KMT2E: variants seen among roughly 807,000 people sequenced by gnomAD.
KMT2E encodes lysine methyltransferase 2E (inactive).
Under a neutral mutation model 184.6 loss-of-function variants are expected in KMT2E, and 30 were observed. The ratio of observed to expected loss-of-function variants is 0.16; its 90% confidence interval spans 0.12 to 0.22. KMT2E has a LOEUF of 0.22. KMT2E is among the 10% of genes least tolerant of loss of function. The pLI is 1.00. For synonymous variants in KMT2E, 815 were observed against 776.5 expected (o/e 1.05, Z -0.82); for missense variants, 2,023 against 2,237.4 (o/e 0.90, Z 1.93).
At position 105,113,139 on chromosome 7, in the gene KMT2E, C is replaced by A; in HGVS notation, c.5383C>A (p.Leu1795Ile). The A allele has an allele frequency of 1.9e-6, 3 of 1,614,246 alleles. No homozygotes were observed. The highest frequency in any genetic ancestry group is 2.5e-6 in the Non-Finnish European group (3 of 1,180,048). ...TCCATTACCTGTCACAGGTCCTCAT[C>A]TCCAGCCCCAAGGACCAAACAGTAT... ...HCPLPVTGPHLQPQGPNSIPT... is the reference protein window; with the variant it reads ...HCPLPVTGPHIQPQGPNSIPT... Residue 1795 changes from leucine to isoleucine, a missense_variant, in exon 27 of 27, where the codon CTC becomes ATC. Leu to Ile is a conservative substitution (Grantham distance 5). Coordinates refer to ENST00000311117, the MANE Select transcript of KMT2E (RefSeq NM_182931.3).
chr7:105,064,771 A>G (rs868219952), intron 5 of KMT2E, among the ~76,000 whole-genome samples: 2 of 93,214 alleles, frequency 2.1e-5, no homozygotes, highest in Non-Finnish European at 3.9e-5. Flanking sequence ...AAATTAAAAA[A>G]CTAAAAATAC....
At chr7:105,019,981 G>A (rs1306202570) in intron 1 of KMT2E, among the ~76,000 whole-genome samples, 1 of 151,718 alleles carries the variant, frequency 6.6e-6, no homozygotes, top group Admixed American at 6.6e-5. Flanking sequence ...GGTGGCAGGT[G>A]CCTGCAATCC....
chr7:105,057,094 A>G (rs1267955931), intron 3 of KMT2E, among the ~76,000 whole-genome samples: 2 of 152,236 alleles, frequency 1.3e-5, no homozygotes, highest in Admixed American at 1.3e-4. Flanking sequence ...GAAGCAGTCA[A>G]GAAAGGACTC....
chr7:105,078,650 G>C (rs367950951), intron 11 of KMT2E, among the ~76,000 whole-genome samples, 196 bp from the exon 12 acceptor site: 109 of 130,674 alleles, frequency 8.3e-4, no homozygotes, highest in African/African-American at 2.9e-3. Flanking sequence ...ATGCTACCAT[G>C]CCTGGCCTTT....
chr7:105,020,304 C>T (rs975627655), intron 1 of KMT2E, among the ~76,000 whole-genome samples: 5 of 151,952 alleles, frequency 3.3e-5, no homozygotes, highest in Non-Finnish European at 4.4e-5. Context: ...CTTTAAAGTT[C>T]ACTTGGCCTG....
At chr7:105,033,586 C>T (rs1352854463) in intron 1 of KMT2E, among the ~76,000 whole-genome samples, 1 of 152,138 alleles carries the variant, frequency 6.6e-6, no homozygotes, top group Admixed American at 6.5e-5. Context: ...GCAAGCTCCA[C>T]CTCCTGGGTT....
rs79521484 is a variant in KMT2E, at chr7:105,101,130, A to C, written c.1723-295A>C. Among the ~76,000 whole-genome samples, 81 of 152,262 alleles carry C rather than the reference A, an allele frequency of 5.3e-4. 1 individual carries two copies. Among genetic ancestry groups the C allele is most frequent in the African/African-American group, 1.9e-3 (79 of 41,558 alleles). The stretch of plus-strand genomic sequence containing the variant: ...AAGAGAAAAGATTTTCGGTTTGGTA[A>C]AACAAGGTAATTTTTGAGGCTTTTT... On this transcript the variant is annotated intron_variant, in intron 15 of 26. Transcript: ENST00000311117.
intron 3 of KMT2E, 71 bp from the exon 4 acceptor site, chr7:105,062,093 C>T: frequency 1.0e-6 from 1 of 974,980 alleles, no homozygotes. Flanking sequence ...AGTACTTTAT[C>T]ATTTTAATTA....
intron 23 of KMT2E, among the ~76,000 whole-genome samples, chr7:105,109,931 C>T (rs1799121692): frequency 6.6e-6 from 1 of 150,972 alleles, no homozygotes; most frequent in Admixed American, 6.6e-5. Context: ...GCAAGCTCCA[C>T]TTCCCAAGTT....
chr7:105,071,317 A>G (rs941304049), intron 6 of KMT2E, among the ~76,000 whole-genome samples: 2 of 151,506 alleles, frequency 1.3e-5, no homozygotes, highest in East Asian at 3.9e-4. Context: ...ATTTTGTTAG[A>G]TTGTCAAATT....
At chr7:105,027,832 G>T (rs983238009) in intron 1 of KMT2E, among the ~76,000 whole-genome samples, 152 of 152,126 alleles carry the variant, frequency 1.0e-3, no homozygotes, top group African/African-American at 3.6e-3. Flanking sequence ...TTGGTCCCTT[G>T]CTGATTTTAT....
chr7:105,072,195 G>A (rs985136968), intron 6 of KMT2E, among the ~76,000 whole-genome samples: 8 of 152,100 alleles, frequency 5.3e-5, no homozygotes, highest in African/African-American at 1.4e-4. Flanking sequence ...GCGGGCGCCT[G>A]TCGTCCCAGC....
intron 12 of KMT2E, among the ~76,000 whole-genome samples, chr7:105,080,466 C>T (rs1797719630): frequency 6.6e-6 from 1 of 151,314 alleles, no homozygotes; most frequent in Admixed American, 6.6e-5. Flanking sequence ...AACTCCTGGG[C>T]TCAAGTGTTT....
intron 22 of KMT2E, 34 bp downstream of exon 22, chr7:105,107,959 A>ATTT: frequency 2.7e-5 from 35 of 1,283,324 alleles, no homozygotes; most frequent in Non-Finnish European, 3.7e-5. Flanking sequence ...TCCTTTTAAT[A>ATTT]GTTTTTTTTT....
At chr7:105,038,235 A>G (rs924290347) in intron 2 of KMT2E, 36 bp downstream of exon 2, 1 of 152,224 alleles carries the variant, frequency 6.6e-6, no homozygotes, top group South Asian at 2.1e-4. Context: ...AATGGCTGCC[A>G]TTTATTCTCA....
intron 15 of KMT2E, 71 bp downstream of exon 15, chr7:105,091,385 C>A: frequency 2.4e-6 from 2 of 844,460 alleles, no homozygotes; most frequent in Non-Finnish European, 4.1e-6. Context: ...GCTGCCTTTA[C>A]ATGGGCTTTT....
intron 13 of KMT2E, among the ~76,000 whole-genome samples, chr7:105,087,622 C>T (rs1280213397): frequency 6.6e-6 from 1 of 151,818 alleles, no homozygotes; most frequent in Non-Finnish European, 1.5e-5. Context: ...CGGGGTTTCA[C>T]CGTGTTGCCC....
intron 1 of KMT2E, among the ~76,000 whole-genome samples, chr7:105,033,480 TTTGCTTTTTTTTG>T (rs1462987340): frequency 6.6e-6 from 1 of 152,098 alleles, no homozygotes; most frequent in African/African-American, 2.4e-5. Flanking sequence ...TTTTGTTTGT[TTTGCTTTTTTTTG>T]TTGCTTTTTG....
intron 5 of KMT2E, among the ~76,000 whole-genome samples, chr7:105,064,780 A>T (rs80292521): frequency 6.6e-6 from 1 of 151,456 alleles, no homozygotes; most frequent in Non-Finnish European, 1.5e-5. Flanking sequence ...AACTAAAAAT[A>T]CAGTGACACT....
Sources: gnomAD v4.1 joint callset for allele counts (sites outside exome capture counted in the v4.1 genomes callset) on GRCh38, gnomAD v4.1.1 for gene constraint, MANE v1.5 for transcripts, NCBI Gene and HGNC (gene_info 2026-07-23, HGNC 2026-07-21) for gene names.